The following MYO18B variants were observed in gnomAD, a reference collection of about 807,000 sequenced individuals.
MYO18B encodes the protein myosin XVIIIB.
Under a neutral mutation model 273.0 loss-of-function variants are expected in MYO18B, and 204 were observed. The ratio of observed to expected loss-of-function variants is 0.75; its 90% CI spans 0.67 to 0.84. MYO18B has a LOEUF of 0.84. Among genes scored for constraint, MYO18B ranks in the 40% least tolerant of loss-of-function variants. The pLI, the probability that MYO18B is intolerant of heterozygous loss-of-function variation, is 0.00. For missense variants in MYO18B, 3,212 were observed against 3,287.6 expected (o/e 0.98, Z 0.56); for synonymous variants, 1,330 against 1,305.7 (o/e 1.02, Z -0.40).
intron 39 of MYO18B, among the ~76,000 whole-genome samples, chr22:25,967,812 G>A (rs971694368): frequency 3.9e-5 from 6 of 152,110 alleles, no homozygotes; most frequent in South Asian, 4.1e-4. Context: ...GGCTGAATTC[G>A]GTGTGCTGGG....
intron 2 of MYO18B, among the ~76,000 whole-genome samples, chr22:25,762,424 T>G (rs2086354819): frequency 6.6e-6 from 1 of 152,264 alleles, no homozygotes; most frequent in African/African-American, 2.4e-5. Context: ...TGACTTTTTT[T>G]TCTTCTCATG....
At chr22:25,835,209 C>T (rs2145949543) in intron 16 of MYO18B, 87 bp from the exon 17 acceptor site, 2 of 1,472,194 alleles carry the variant, frequency 1.4e-6, no homozygotes, top group East Asian at 2.4e-5. Context: ...CTTGGATGCT[C>T]TCATTCCCTA....
chr22:26,046,348 G>C, the MYO18B span, among the ~76,000 whole-genome samples: 2 of 152,150 alleles, frequency 1.3e-5, no homozygotes, highest in African/African-American at 2.4e-5. Context: ...GGGAGAGAAG[G>C]CAATTTCACC....
rs746513172 is a variant in MYO18B at position 26,026,903 on chromosome 22, C to T, written c.6929C>T (p.Pro2310Leu). ...NLSLRVGAKS[P>L]LEIEGAAGGL... ...TCGCTGAGGGTTGGGGCAAAGTCAC[C>T]CCTGGAAATCGAAGGGGCCGCTGGT... The change falls in exon 43 of 44, where the codon CCC (proline) becomes CTC (leucine). Residue 2310 changes from proline to leucine, a missense_variant. By Grantham distance (98) the Pro-to-Leu change is moderately conservative (BLOSUM62 -3). Transcript: ENST00000335473. 7 of 1,607,354 alleles carry T rather than the reference C, an allele frequency of 4.4e-6. No homozygotes were observed. The African/African-American group carries it at 5.4e-5, about 12-fold the overall frequency.
At chr22:25,871,740 C>T (rs1216639390) in intron 22 of MYO18B, among the ~76,000 whole-genome samples, 1 of 152,068 alleles carries the variant, frequency 6.6e-6, no homozygotes, top group African/African-American at 2.4e-5. Context: ...AGGTGTGATT[C>T]CACGTGCAGT....
In MYO18B at chr22:25,978,456, A is replaced by C. The variant is rs1178837098; in HGVS notation, c.6157-13907A>C. ...ATGTGGGGTGCAAGGTGTGGGCAGCAAAAAGAAAGGGCGAGTTGGGACAGA... is the reference window on the plus strand; with the variant it reads ...ATGTGGGGTGCAAGGTGTGGGCAGCCAAAAGAAAGGGCGAGTTGGGACAGA... On this transcript the variant is annotated intron_variant, in intron 39 of 43. Transcript: ENST00000335473. 2.6e-5 allele frequency among the ~76,000 whole-genome samples: 4 copies of C among 152,224 alleles called. No individual in the cohort carries two copies. In the East Asian group the frequency reaches 7.7e-4, roughly 29 times the overall value.
chr22:26,063,097 C>T, the MYO18B span, among the ~76,000 whole-genome samples: 45 of 152,246 alleles, frequency 3.0e-4, no homozygotes, highest in South Asian at 6.2e-3. Flanking sequence ...GCTGTTACAC[C>T]GTTCCAACAC....
intron 42 of MYO18B, among the ~76,000 whole-genome samples, chr22:26,005,849 G>T (rs1022647467): frequency 3.3e-5 from 5 of 152,186 alleles, no homozygotes; most frequent in African/African-American, 1.2e-4. Context: ...TTGGCAAATG[G>T]CAAATGTCTG....
chr22:26,027,680 A>G lies in MYO18B; in HGVS notation c.*2A>G. 1 of 1,606,268 alleles carries G rather than the reference A, an allele frequency of 6.2e-7. No homozygotes were observed. Among genetic ancestry groups the G allele is most frequent in the Non-Finnish European group, 8.5e-7 (1 of 1,175,964 alleles). ...ATGAAGAAATACCTCCAGAAGTAGG[A>G]ACCAGTTCAGGTAAAAGCAACAGGC... On this transcript the variant is annotated 3_prime_UTR_variant, in exon 43 of 44. Coordinates refer to ENST00000335473, the MANE Select transcript of MYO18B (RefSeq NM_032608.7). This position sits in a 1 kb window ranked among gnomAD's most constrained non-coding sequence, Gnocchi z 4.1.
intron 19 of MYO18B, 34 bp downstream of exon 19, chr22:25,846,317 C>T: frequency 6.2e-7 from 1 of 1,602,822 alleles, no homozygotes; most frequent in South Asian, 1.1e-5. Flanking sequence ...GTGTCCTGGC[C>T]TTCACTGCCT....
At chr22:25,862,508 T>C (rs1160160211) in intron 21 of MYO18B, among the ~76,000 whole-genome samples, 1 of 152,226 alleles carries the variant, frequency 6.6e-6, no homozygotes, top group Non-Finnish European at 1.5e-5. Flanking sequence ...AAGGCAGGTC[T>C]CATAGCAATA....
Position 25,902,914 on chromosome 22 carries a change from A to T in MYO18B, c.4947+178A>T, listed in dbSNP as rs985855105. The T allele has an allele frequency of 1.2e-5, 8 of 651,558 alleles. No homozygotes were observed. The Admixed American group carries it at 2.5e-4, about 20-fold the overall frequency. 40.4% of individuals were successfully genotyped at this position (651,558 alleles called of 1,614,324 possible). On this transcript the variant is annotated intron_variant, in intron 30 of 43. Coordinates refer to ENST00000335473, the MANE Select transcript of MYO18B (RefSeq NM_032608.7). ...ATAGCAAATGGTGGCTGGTAAATTGATAATCAGACTTTGAGCAAGATTGAT... is the reference window on the plus strand; with the variant it reads ...ATAGCAAATGGTGGCTGGTAAATTGTTAATCAGACTTTGAGCAAGATTGAT...
chr22:25,960,418 C>G (rs530859039), intron 39 of MYO18B, among the ~76,000 whole-genome samples: 1 of 152,296 alleles, frequency 6.6e-6, no homozygotes, highest in African/African-American at 2.4e-5. Flanking sequence ...CTTCGGCCTA[C>G]CAGGTGCACC....
intron 42 of MYO18B, among the ~76,000 whole-genome samples, chr22:26,011,960 T>G (rs1243518695): frequency 1.3e-5 from 2 of 152,208 alleles, no homozygotes; most frequent in African/African-American, 4.8e-5. Flanking sequence ...AGGAGAAAAT[T>G]TGCTTTCTGT....
intron 1 of MYO18B, among the ~76,000 whole-genome samples, chr22:25,743,630 A>G (rs991652049): frequency 1.3e-5 from 2 of 152,014 alleles, no homozygotes; most frequent in African/African-American, 2.4e-5. Context: ...GAGGAGGAGG[A>G]GAGGGAGTCT....
intron 1 of MYO18B, among the ~76,000 whole-genome samples, chr22:25,747,487 C>T (rs2085815511): frequency 6.6e-6 from 1 of 152,238 alleles, no homozygotes; most frequent in Non-Finnish European, 1.5e-5. Flanking sequence ...TCTGTGAGGT[C>T]CAGCATCTCA....
intron 2 of MYO18B, 62 bp downstream of exon 2, chr22:25,761,193 A>C: frequency 6.3e-7 from 1 of 1,582,094 alleles, no homozygotes. Context: ...CCCTCGGGAG[A>C]CAAGTCCGAC....
chr22:25,972,837 T>C (rs2093049864), intron 39 of MYO18B, among the ~76,000 whole-genome samples: 1 of 151,752 alleles, frequency 6.6e-6, no homozygotes, highest in Non-Finnish European at 1.5e-5. Flanking sequence ...ATGCCTGTAA[T>C]CCCTGCTACT....
intron 32 of MYO18B, among the ~76,000 whole-genome samples, chr22:25,910,113 G>C (rs993023750): frequency 2.0e-5 from 3 of 152,216 alleles, no homozygotes; most frequent in Non-Finnish European, 1.5e-5. Context: ...ATCAGAGCCA[G>C]TTGCAAATTA....
Sources: gnomAD v4.1 joint callset for allele counts (sites outside exome capture counted in the v4.1 genomes callset) on GRCh38, gnomAD v4.1.1 for gene constraint, Gnocchi (gnomAD v3.1) non-coding constraint, MANE v1.5 for transcripts, NCBI Gene and HGNC (gene_info 2026-07-23, HGNC 2026-07-21) for gene names.